The following HNF4G variants were observed in gnomAD, a reference collection of about 807,000 sequenced individuals.
The protein encoded by HNF4G is hepatocyte nuclear factor 4-gamma.
In HNF4G, 21 loss-of-function variants were observed where a neutral mutation model predicts 50.9. The observed-to-expected ratio is 0.41, with a 90% CI of 0.29 to 0.59. The LOEUF (loss-of-function observed/expected upper bound fraction) is 0.59, where lower values mean the gene tolerates loss of function less well. HNF4G is among the 20% of genes least tolerant of loss of function. The pLI, the probability that HNF4G is intolerant of heterozygous loss-of-function variation, is 0.26. For synonymous variants in HNF4G, 198 were observed against 185.6 expected, an observed-to-expected ratio of 1.07 and a Z score of -0.54; for missense variants, 527 against 559.4, an observed-to-expected ratio of 0.94 and a Z score of 0.58.
At chr8:75,557,773 T>A (rs1316071108) in intron 6 of HNF4G, among the ~76,000 whole-genome samples, 1 of 152,194 alleles carries the variant, frequency 6.6e-6, no homozygotes. Context: ...AGTGAAAGAA[T>A]TTAGAATATT....
chr8:75,414,857 T>A (rs1265256238), intron 1 of HNF4G, among the ~76,000 whole-genome samples: 1 of 152,242 alleles, frequency 6.6e-6, no homozygotes, highest in African/African-American at 2.4e-5. Flanking sequence ...CTATGAACTT[T>A]CTTGTATCAA....
intron 1 of HNF4G, 106 bp from the exon 2 acceptor site, chr8:75,543,705 C>A: frequency 3.2e-6 from 3 of 923,308 alleles, no homozygotes; most frequent in Non-Finnish European, 4.8e-6. Flanking sequence ...GTGGGGTCTC[C>A]AAGAAGCCAA....
intron 1 of HNF4G, among the ~76,000 whole-genome samples, chr8:75,442,372 A>G (rs1262161715): frequency 6.6e-6 from 1 of 152,132 alleles, no homozygotes. Flanking sequence ...CTAAAATTAT[A>G]AATAGGCAAG....
chr8:75,508,139 A>G (rs1805643902), intron 2 of HNF4G, among the ~76,000 whole-genome samples: 1 of 152,174 alleles, frequency 6.6e-6, no homozygotes, highest in South Asian at 2.1e-4. Context: ...ATTTTAACAA[A>G]TAGACTAAAT....
At chr8:75,456,753 TG>T (rs1256419131) in intron 1 of HNF4G, among the ~76,000 whole-genome samples, 1 of 151,920 alleles carries the variant, frequency 6.6e-6, no homozygotes, top group Non-Finnish European at 1.5e-5. Context: ...TTTATTATTT[TG>T]TTTTGAGACA....
chr8:75,530,389 C>T (rs978502318), intron 2 of HNF4G, among the ~76,000 whole-genome samples: 4 of 150,426 alleles, frequency 2.7e-5, no homozygotes, highest in Admixed American at 2.6e-4. Flanking sequence ...TATACTCAGG[C>T]AGGCAGATCT....
intron 1 of HNF4G, among the ~76,000 whole-genome samples, chr8:75,455,058 T>C (rs1399463752): frequency 1.3e-5 from 2 of 152,114 alleles, no homozygotes; most frequent in Non-Finnish European, 2.9e-5. Context: ...CATCATCCCT[T>C]TTGTGTAAAT....
intron 1 of HNF4G, among the ~76,000 whole-genome samples, chr8:75,479,092 TG>T (rs1812312081): frequency 6.6e-6 from 1 of 152,226 alleles, no homozygotes; most frequent in African/African-American, 2.4e-5. Context: ...CCTTGTTATT[TG>T]TTAAGCACAG....
At chr8:75,472,271 T>C (rs1357644981) in intron 1 of HNF4G, among the ~76,000 whole-genome samples, 1 of 152,188 alleles carries the variant, frequency 6.6e-6, no homozygotes, top group Non-Finnish European at 1.5e-5. Flanking sequence ...GCTTAGAAAT[T>C]CTTTTTTCTA....
intron 1 of HNF4G, among the ~76,000 whole-genome samples, chr8:75,423,620 G>A (rs1283824142): frequency 1.3e-5 from 2 of 151,612 alleles, no homozygotes; most frequent in African/African-American, 2.4e-5. Flanking sequence ...TTGATCTCCC[G>A]ACCTCGTGGC....
chr8:75,481,889 G>A (rs1302894768), intron 1 of HNF4G, among the ~76,000 whole-genome samples: 2 of 152,112 alleles, frequency 1.3e-5, no homozygotes, highest in African/African-American at 2.4e-5. Flanking sequence ...ACTCTGGACT[G>A]CATACCCTGT....
chr8:75,474,847 G>C (rs1171474125), intron 1 of HNF4G, among the ~76,000 whole-genome samples: 1 of 151,726 alleles, frequency 6.6e-6, no homozygotes, highest in East Asian at 1.9e-4. Context: ...ACAGGTGCCT[G>C]CCACCACGCC....
At chr8:75,499,490 A>G (rs1812866971) in intron 2 of HNF4G, among the ~76,000 whole-genome samples, 1 of 152,044 alleles carries the variant, frequency 6.6e-6, no homozygotes, top group Non-Finnish European at 1.5e-5. Flanking sequence ...AGTCCTAACA[A>G]AATTCCAGTT....
rs1162804621 is a variant in HNF4G, at chr8:75,500,485, T to A, written c.-24+10277T>A. Among the ~76,000 whole-genome samples the A allele has an allele frequency of 4.6e-5, 7 of 151,906 alleles. No individual in the cohort carries two copies. In the East Asian group the frequency reaches 1.4e-3, roughly 29 times the overall value. ...GTTTTTCATAAAGACAAACATAGAGTTACCATATGATCTAGCAATTTCTCT... is the reference window on the plus strand; with the variant it reads ...GTTTTTCATAAAGACAAACATAGAGATACCATATGATCTAGCAATTTCTCT... On this transcript the variant is annotated intron_variant, in intron 2 of 10. Coordinates refer to the HNF4G transcript ENST00000354370.
At chr8:75,537,005 T>A (rs184499523), upstream of HNF4G, among the ~76,000 whole-genome samples, 4 of 152,250 alleles carry the variant, frequency 2.6e-5, no homozygotes, top group East Asian at 7.7e-4. Context: ...TAAGAGAGCC[T>A]GTAATCTCCA....
At chr8:75,532,106 T>A (rs1806343120) in intron 2 of HNF4G, among the ~76,000 whole-genome samples, 1 of 152,114 alleles carries the variant, frequency 6.6e-6, no homozygotes, top group African/African-American at 2.4e-5. Context: ...TAAAAACCCC[T>A]CTACCTCATC....
rs755283539 is a variant in HNF4G at position 75,553,196 on chromosome 8, A to C, written c.644A>C (p.Gln215Pro). The change falls in exon 5 of 10, where the codon CAG becomes CCG. Residue 215 changes from glutamine to proline, a missense_variant and splice_region_variant. This residue lies in a region of HNF4G where 308 missense variants were observed against 301.5 expected (regional missense o/e 1.02). Transcript: ENST00000396423. ...TTCTGTGAATTACCATTGGATGATCAGGTACACATTTAAAACTTTATAAAT... is the reference window on the plus strand; with the variant it reads ...TTCTGTGAATTACCATTGGATGATCCGGTACACATTTAAAACTTTATAAAT... ...PAFCELPLDD[Q>P]VALLRAHAGE... 1.2e-6 allele frequency: 2 copies of C among 1,609,788 alleles called. No homozygotes were observed. Among genetic ancestry groups the C allele is most frequent in the Admixed American group, 1.7e-5 (1 of 59,458 alleles).
chr8:75,410,725 G>A (rs1810480674), intron 1 of HNF4G, among the ~76,000 whole-genome samples: 1 of 152,186 alleles, frequency 6.6e-6, no homozygotes, highest in African/African-American at 2.4e-5. Context: ...AGGTGTTATA[G>A]CTCTGGGTCC....
At chr8:75,416,074 GATAA>G (rs1246994733) in intron 1 of HNF4G, among the ~76,000 whole-genome samples, 49 of 152,118 alleles carry the variant, frequency 3.2e-4, no homozygotes, top group East Asian at 5.8e-4. Context: ...CCTGACCCTA[GATAA>G]ATAAAGTAAA....
Sources: gnomAD v4.1 joint callset for allele counts (sites outside exome capture counted in the v4.1 genomes callset) on GRCh38, gnomAD v4.1.1 for gene constraint, gnomAD v4.1.1 regional missense constraint, MANE v1.5 for transcripts, NCBI Gene and HGNC (gene_info 2026-07-23, HGNC 2026-07-21) for gene names.